PCCA: variants seen among roughly 807,000 people sequenced by gnomAD.
The protein encoded by PCCA is propionyl-CoA carboxylase alpha chain, mitochondrial.
PCCA carries 74 observed loss-of-function variants against 101.3 expected under a neutral mutation model. That is an observed-to-expected ratio of 0.73 (90% CI 0.61 to 0.89). PCCA has a LOEUF of 0.89. Among genes scored for constraint, PCCA ranks in the 40% least tolerant of loss-of-function variants. The probability of loss-of-function intolerance (pLI) is 0.00; values close to 1 mark genes in which losing one functional copy is unlikely to be tolerated. For missense variants in PCCA, 891 were observed against 907.0 expected (o/e 0.98, Z 0.23); for synonymous variants, 294 against 313.6 (o/e 0.94, Z 0.66).
intron 18 of PCCA, among the ~76,000 whole-genome samples, chr13:100,361,564 G>C (rs944483557): frequency 3.3e-5 from 5 of 151,180 alleles, no homozygotes; most frequent in Non-Finnish European, 7.4e-5. Flanking sequence ...CCAAAATAAA[G>C]AACTTTCACA....
chr13:100,195,807 G>GAGAAA (rs2058068952), intron 6 of PCCA, among the ~76,000 whole-genome samples: 1 of 152,082 alleles, frequency 6.6e-6, no homozygotes, highest in Admixed American at 6.6e-5. Flanking sequence ...ATTTCCCGAA[G>GAGAAA]AGAAAAAGGT....
At chr13:100,139,592 TTC>T (rs2051615444) in intron 4 of PCCA, among the ~76,000 whole-genome samples, 1 of 152,120 alleles carries the variant, frequency 6.6e-6, no homozygotes, top group Non-Finnish European at 1.5e-5. Context: ...TTTTTACAAA[TTC>T]TGTTTCTTTT....
chr13:100,416,822 A>T (rs1421318958), intron 19 of PCCA, among the ~76,000 whole-genome samples: 2 of 147,864 alleles, frequency 1.4e-5, no homozygotes, highest in Non-Finnish European at 3.0e-5. Flanking sequence ...ACCGCGCCCG[A>T]CCAGTATTAT....
chr13:100,229,013 T>C (rs2152510187), intron 7 of PCCA, among the ~76,000 whole-genome samples: 1 of 152,270 alleles, frequency 6.6e-6, no homozygotes, highest in East Asian at 1.9e-4. Flanking sequence ...CTTTCTTTTG[T>C]TTTGTATTAT....
intron 20 of PCCA, among the ~76,000 whole-genome samples, chr13:100,448,318 G>A (rs1223083155): frequency 2.0e-5 from 3 of 152,072 alleles, no homozygotes; most frequent in East Asian, 1.9e-4. Flanking sequence ...TTGGCCTCCC[G>A]AGTAGCTGGG....
intron 4 of PCCA, among the ~76,000 whole-genome samples, chr13:100,122,252 T>A (rs1397392322): frequency 6.6e-6 from 1 of 152,208 alleles, no homozygotes; most frequent in Non-Finnish European, 1.5e-5. Context: ...GGATTCAGTT[T>A]GTTAGTATTT....
intron 2 of PCCA, among the ~76,000 whole-genome samples, chr13:100,110,340 A>C (rs969194699): frequency 6.6e-6 from 1 of 152,184 alleles, no homozygotes; most frequent in Non-Finnish European, 1.5e-5. Flanking sequence ...GTTTTGAAAA[A>C]CGATTAGCTT....
chr13:100,480,530 T>C (rs1474408146), intron 21 of PCCA, among the ~76,000 whole-genome samples: 1 of 152,168 alleles, frequency 6.6e-6, no homozygotes, highest in African/African-American at 2.4e-5. Flanking sequence ...TTTTTACAAA[T>C]GGGAGGTTGG....
At chr13:100,458,651 C>T (rs917384489) in intron 21 of PCCA, among the ~76,000 whole-genome samples, 3 of 151,874 alleles carry the variant, frequency 2.0e-5, no homozygotes, top group African/African-American at 7.3e-5. Context: ...ATCAAAAAAG[C>T]GAAGATTTAA....
chr13:100,200,793 CATAT>C (rs1327458704), intron 6 of PCCA, among the ~76,000 whole-genome samples: 1 of 151,616 alleles, frequency 6.6e-6, no homozygotes, highest in Non-Finnish European at 1.5e-5. Context: ...ACATTTTTCT[CATAT>C]ATAATGTATA....
At chr13:100,258,624 C>G (rs1345806585) in intron 9 of PCCA, among the ~76,000 whole-genome samples, 1 of 152,120 alleles carries the variant, frequency 6.6e-6, no homozygotes, top group Non-Finnish European at 1.5e-5. Context: ...CTGTTAGTAA[C>G]TTACTCTTTT....
chr13:100,521,495 C>G (rs945680448), intron 22 of PCCA, among the ~76,000 whole-genome samples: 12 of 152,256 alleles, frequency 7.9e-5, no homozygotes, highest in Non-Finnish European at 1.6e-4. Context: ...TGCTCAAATA[C>G]TGCAGTCTCC....
At chr13:100,343,882 C>T (rs1042915212) in intron 18 of PCCA, among the ~76,000 whole-genome samples, 1 of 152,138 alleles carries the variant, frequency 6.6e-6, no homozygotes. Flanking sequence ...CGCGACCAAC[C>T]TGGCCAACAT....
intron 12 of PCCA, among the ~76,000 whole-genome samples, chr13:100,290,075 T>C (rs1256514927): frequency 6.6e-6 from 1 of 152,244 alleles, no homozygotes. Context: ...GTTTCGGTTC[T>C]TGTCTTTCAG....
intron 21 of PCCA, among the ~76,000 whole-genome samples, chr13:100,511,236 C>A (rs2086455066): frequency 6.6e-6 from 1 of 152,158 alleles, no homozygotes; most frequent in Non-Finnish European, 1.5e-5. Flanking sequence ...AAAGATGCAT[C>A]ATTTTTGCAT....
In PCCA at chr13:100,449,304, T is replaced by C. The variant is rs375617644; in HGVS notation, c.1898T>C (p.Val633Ala). 2 of 1,508,446 alleles carry C rather than the reference T, an allele frequency of 1.3e-6. No individual in the cohort carries two copies. Among genetic ancestry groups the C allele is most frequent in the African/African-American group, 1.4e-5 (1 of 72,198 alleles). 93.4% of individuals were successfully genotyped at this position (1,508,446 alleles called of 1,614,324 possible). A position where few individuals can be genotyped will look rare whatever the true frequency, so the allele number is the denominator to read the frequency against. Residue 633 changes from valine (V) to alanine (A), a missense_variant and splice_region_variant, in exon 21 of 24, where the codon GTG (valine) becomes GCG (alanine). Val to Ala is a moderately conservative substitution (Grantham distance 64). Transcript: ENST00000376285. ...ATGAGCATTCAGTTTCTTGGTACAG[T>C]GGTAAGTATGAAATCATTCTTTATT... Reference protein sequence around the residue: ...GNMSIQFLGTVYKVNILTRLA... With the variant: ...GNMSIQFLGTAYKVNILTRLA...
At chr13:100,504,923 A>G (rs1373704845) in intron 21 of PCCA, among the ~76,000 whole-genome samples, 1 of 149,508 alleles carries the variant, frequency 6.7e-6, no homozygotes, top group East Asian at 2.0e-4. Context: ...ACACAGAGAG[A>G]GACTCTGTCT....
At chr13:100,263,870 C>CT (rs2062708795) in intron 10 of PCCA, among the ~76,000 whole-genome samples, 2 of 142,372 alleles carry the variant, frequency 1.4e-5, no homozygotes, top group African/African-American at 5.3e-5. Flanking sequence ...ATCTGTATAT[C>CT]GTATATATAT....
rs770940740 is a variant in PCCA at position 100,102,873 on chromosome 13, T to C, written c.106-10T>C. 30 of 1,605,468 alleles carry C rather than the reference T, an allele frequency of 1.9e-5. No individual in the cohort carries two copies. Among genetic ancestry groups the C allele is most frequent in the Non-Finnish European group, 2.3e-5 (27 of 1,172,384 alleles). On this transcript the variant is annotated splice_polypyrimidine_tract_variant and intron_variant, in intron 1 of 23. Coordinates refer to ENST00000376285, the MANE Select transcript of PCCA (RefSeq NM_000282.4). The stretch of plus-strand genomic sequence containing the variant: ...TATTTGCAATTTATTTTGCTTTCCT[T>C]TTTTTGTAGCATGTTCTGTACTATT...
Sources: gnomAD v4.1 joint callset for allele counts (sites outside exome capture counted in the v4.1 genomes callset) on GRCh38, gnomAD v4.1.1 for gene constraint, MANE v1.5 for transcripts, NCBI Gene and HGNC (gene_info 2026-07-23, HGNC 2026-07-21) for gene names.